Variants in FAM120A observed in about 807,000 individuals in gnomAD.
FAM120A encodes constitutive coactivator of PPAR-gamma-like protein 1.
A neutral mutation model predicts 109.7 loss-of-function variants in FAM120A; 15 were observed. The observed-to-expected ratio is 0.14, with a 90% confidence interval of 0.09 to 0.21. FAM120A has a LOEUF of 0.21. Among genes scored for constraint, FAM120A ranks in the 10% least tolerant of loss-of-function variants. The pLI is 1.00. For synonymous variants in FAM120A, 493 were observed against 572.8 expected, an observed-to-expected ratio of 0.86 and a Z score of 1.99; for missense variants, 899 against 1,439.3, an observed-to-expected ratio of 0.62 and a Z score of 6.07.
At chr9:93,524,075 C>T (rs1027702366) in intron 7 of FAM120A, among the ~76,000 whole-genome samples, 5 of 152,202 alleles carry the variant, frequency 3.3e-5, no homozygotes, top group Non-Finnish European at 7.4e-5. Flanking sequence ...TATCAGAGAC[C>T]CTCCCGGCTG....
chr9:93,493,936 A>G (rs1300543874), intron 3 of FAM120A, among the ~76,000 whole-genome samples: 2 of 152,150 alleles, frequency 1.3e-5, no homozygotes, highest in Non-Finnish European at 2.9e-5. Flanking sequence ...CCCTTTTCTT[A>G]TGGAAGAGTA....
intron 5 of FAM120A, among the ~76,000 whole-genome samples, chr9:93,510,725 T>G (rs1432420507): frequency 6.6e-6 from 1 of 152,062 alleles, no homozygotes; most frequent in Non-Finnish European, 1.5e-5. Flanking sequence ...GTGTCGGGAT[T>G]GTAGTCATGA....
chr9:93,474,313 G>A (rs555835918), intron 2 of FAM120A, among the ~76,000 whole-genome samples: 3 of 151,936 alleles, frequency 2.0e-5, no homozygotes, highest in African/African-American at 7.2e-5. Flanking sequence ...TCAGCCTCCC[G>A]AGTAGCTGGG....
At chr9:93,521,503 G>T (rs1463739993) in intron 7 of FAM120A, among the ~76,000 whole-genome samples, 1 of 151,700 alleles carries the variant, frequency 6.6e-6, no homozygotes, top group Non-Finnish European at 1.5e-5. Context: ...GATCACTTGA[G>T]CCCAGGAGTT....
chr9:93,532,543 AT>A lies in FAM120A; in HGVS notation c.1909+215del. 2 of 564,370 alleles carry A rather than the reference AT, an allele frequency of 3.5e-6. No individual in the cohort carries two copies. Among genetic ancestry groups the A allele is most frequent in the Non-Finnish European group, 6.3e-6 (2 of 315,966 alleles). 35.0% of individuals were successfully genotyped at this position (564,370 alleles called of 1,614,324 possible). Reference sequence around the variant, plus strand: ...CTTCCTCAGTAACATTCCAATAATGATGTTTATTCAGTAAAATAATAAAACA... The same window carrying A: ...CTTCCTCAGTAACATTCCAATAATGAGTTTATTCAGTAAAATAATAAAACA... On this transcript the variant is annotated intron_variant, in intron 10 of 17. Coordinates refer to ENST00000277165, the MANE Select transcript of FAM120A (RefSeq NM_014612.5). The surrounding 1 kb of genome is among the most constrained non-coding windows in gnomAD (Gnocchi z 4.3).
intron 15 of FAM120A, among the ~76,000 whole-genome samples, chr9:93,559,369 C>T (rs1454245138): frequency 6.6e-6 from 1 of 152,216 alleles, no homozygotes; most frequent in African/African-American, 2.4e-5. Flanking sequence ...ATCTGCCCAT[C>T]AAGTCACATA....
intron 1 of FAM120A, among the ~76,000 whole-genome samples, chr9:93,454,477 C>T (rs902469650): frequency 3.3e-5 from 5 of 152,170 alleles, no homozygotes; most frequent in African/African-American, 1.2e-4. Context: ...TAAGCTCTCT[C>T]ACTCATGGAC....
chr9:93,534,866 A>G (rs568933364), intron 10 of FAM120A, among the ~76,000 whole-genome samples: 3 of 152,172 alleles, frequency 2.0e-5, no homozygotes, highest in Non-Finnish European at 4.4e-5. Flanking sequence ...GGGGGTAAGG[A>G]TACCTCAGAT....
chr9:93,468,413 T>G (rs1380689303), intron 1 of FAM120A, among the ~76,000 whole-genome samples: 1 of 152,204 alleles, frequency 6.6e-6, no homozygotes, highest in Admixed American at 6.5e-5. Flanking sequence ...GAGACATATA[T>G]GTAAAAGAAC....
At chr9:93,514,250 G>A (rs545721831) in intron 5 of FAM120A, among the ~76,000 whole-genome samples, 81 of 152,274 alleles carry the variant, frequency 5.3e-4, no homozygotes, top group African/African-American at 1.9e-3. Context: ...GGGAGAAACT[G>A]CCCCTATGAT....
At chr9:93,541,178 G>A (rs552677731) in intron 10 of FAM120A, among the ~76,000 whole-genome samples, 4 of 152,228 alleles carry the variant, frequency 2.6e-5, no homozygotes, top group African/African-American at 4.8e-5. Context: ...ATGTGTTTGC[G>A]AGGTGTGGTT....
intron 5 of FAM120A, among the ~76,000 whole-genome samples, chr9:93,510,957 A>G (rs1860290661): frequency 6.6e-6 from 1 of 151,686 alleles, no homozygotes; most frequent in South Asian, 2.1e-4. Context: ...GATGGAAAGG[A>G]TTTGGGGAGT....
At chr9:93,479,111 T>TC (rs1210373108) in intron 3 of FAM120A, among the ~76,000 whole-genome samples, 15 of 135,056 alleles carry the variant, frequency 1.1e-4, no homozygotes, top group Non-Finnish European at 1.9e-4. Flanking sequence ...TTTTTTTTTT[T>TC]TTTTTGAGAC....
At chr9:93,549,892 T>A (rs758779028) in intron 11 of FAM120A, among the ~76,000 whole-genome samples, 3 of 152,194 alleles carry the variant, frequency 2.0e-5, no homozygotes, top group Non-Finnish European at 2.9e-5. Flanking sequence ...TGCAGTACTG[T>A]AGGGTGTTTG....
At position 93,498,846 on chromosome 9, in the gene FAM120A, G is replaced by A. The variant is rs768499030; in HGVS notation, c.990G>A (p.Ala330=). 6.2e-7 allele frequency: 1 copy of A among 1,612,206 alleles called. No individual in the cohort carries two copies. The highest frequency in any genetic ancestry group is 2.2e-5 in the East Asian group (1 of 44,848). The part of the protein sequence containing the change: ...RFKRAIGYYS[A]TSKPMSFHPP... ...AGAGAGCAATTGGATATTATTCAGC[G>A]ACTAGTAAGCCTATGTCATTTCATC... Residue 330 remains alanine, a synonymous_variant, in exon 5 of 18, where the codon GCG becomes GCA. Transcript: ENST00000277165. The surrounding 1 kb of genome is among the most constrained non-coding windows in gnomAD (Gnocchi z 4.4).
chr9:93,512,719 A>G (rs1217791717), intron 5 of FAM120A, among the ~76,000 whole-genome samples: 2 of 152,230 alleles, frequency 1.3e-5, no homozygotes, highest in Non-Finnish European at 2.9e-5. Flanking sequence ...GAACCGATAT[A>G]GACGAAGGCC....
rs1862449082 is a variant in FAM120A, at chr9:93,561,099, T to C, written c.2807-10T>C. ...TAAAGATTTTGTCTTTTTGTATATT[T>C]TTTATGCAGGAGTCCAACCTATACC... On this transcript the variant is annotated splice_polypyrimidine_tract_variant and intron_variant, in intron 15 of 17. Transcript: ENST00000277165. The C allele has an allele frequency of 6.2e-7, 1 of 1,612,436 alleles. No individual in the cohort carries two copies. The highest frequency in any genetic ancestry group is 8.5e-7 in the Non-Finnish European group (1 of 1,179,666).
intron 8 of FAM120A, among the ~76,000 whole-genome samples, chr9:93,527,861 G>A (rs972150737): frequency 1.6e-4 from 24 of 152,032 alleles, no homozygotes; most frequent in Non-Finnish European, 1.5e-5. Context: ...GACCTCAAGT[G>A]ATCTGCCCTC....
intron 3 of FAM120A, among the ~76,000 whole-genome samples, chr9:93,485,887 A>G (rs1470966121): frequency 1.3e-5 from 2 of 149,452 alleles, no homozygotes; most frequent in Non-Finnish European, 3.0e-5. Context: ...GAATCACACA[A>G]CATGTGGTCT....
Sources: gnomAD v4.1 joint callset for allele counts (sites outside exome capture counted in the v4.1 genomes callset) on GRCh38, gnomAD v4.1.1 for gene constraint, Gnocchi (gnomAD v3.1) non-coding constraint, MANE v1.5 for transcripts, NCBI Gene and HGNC (gene_info 2026-07-23, HGNC 2026-07-21) for gene names.